The following OPCML variants were observed in gnomAD, a reference collection of about 807,000 sequenced individuals.
OPCML encodes opioid-binding protein/cell adhesion molecule.
A neutral mutation model predicts 37.8 loss-of-function variants in OPCML; 13 were observed. That is an observed-to-expected ratio of 0.34 (90% CI 0.22 to 0.55). The LOEUF (loss-of-function observed/expected upper bound fraction) is 0.55, where lower values mean the gene tolerates loss of function less well. Among genes scored for constraint, OPCML ranks in the 20% least tolerant of loss-of-function variants. The pLI, the probability that OPCML is intolerant of heterozygous loss-of-function variation, is 0.91. For missense variants in OPCML, 341 were observed against 435.6 expected, an observed-to-expected ratio of 0.78 and a Z score of 1.93; for synonymous variants, 176 against 168.8, an observed-to-expected ratio of 1.04 and a Z score of -0.33.
chr11:132,913,766 T>C (rs949926975), intron 2 of OPCML, among the ~76,000 whole-genome samples: 2 of 152,192 alleles, frequency 1.3e-5, no homozygotes, highest in Admixed American at 6.5e-5. Context: ...ATAGGGCACA[T>C]ACCCTCATTC....
chr11:132,763,112 C>T (rs187859879), intron 2 of OPCML, among the ~76,000 whole-genome samples: 1 of 152,256 alleles, frequency 6.6e-6, no homozygotes, highest in East Asian at 1.9e-4. Context: ...CGACACCCTA[C>T]CCTGCTTCTG....
At chr11:133,015,345 G>A (rs1182616610) in intron 1 of OPCML, among the ~76,000 whole-genome samples, 1 of 138,214 alleles carries the variant, frequency 7.2e-6, no homozygotes, top group African/African-American at 2.7e-5. Flanking sequence ...GGAAGGGAGG[G>A]AGGGAGGGAG....
intron 4 of OPCML, among the ~76,000 whole-genome samples, chr11:132,488,149 A>G (rs2096205643): frequency 6.6e-6 from 1 of 152,200 alleles, no homozygotes; most frequent in African/African-American, 2.4e-5. Flanking sequence ...GTTCCTCTTT[A>G]CCTGGAGAAC....
intron 2 of OPCML, among the ~76,000 whole-genome samples, chr11:132,725,043 G>C (rs753459214): frequency 6.6e-6 from 1 of 152,156 alleles, no homozygotes; most frequent in Non-Finnish European, 1.5e-5. Flanking sequence ...TACCATTCTG[G>C]GGTCTGAAGG....
At position 132,766,433 on chromosome 11, in the gene OPCML, T is replaced by A. The variant is rs368641638; in HGVS notation, c.147-109114A>T. On this transcript the variant is annotated intron_variant, in intron 2 of 7. Coordinates refer to ENST00000524381, the MANE Select transcript of OPCML (RefSeq NM_001012393.5). Reference sequence around the variant, plus strand: ...CCAATACTGAGACATGCCAACAGCATGCCCTCCTACCATGAACTTTCATGT... The same window carrying A: ...CCAATACTGAGACATGCCAACAGCAAGCCCTCCTACCATGAACTTTCATGT... 2.9e-4 allele frequency among the ~76,000 whole-genome samples: 44 copies of A among 152,338 alleles called. 1 individual carries two copies. In the South Asian group the frequency reaches 8.1e-3, roughly 28 times the overall value.
intron 4 of OPCML, among the ~76,000 whole-genome samples, chr11:132,479,159 C>T (rs952032456): frequency 6.6e-6 from 1 of 152,036 alleles, no homozygotes; most frequent in South Asian, 2.1e-4. Context: ...AGACAGTGGG[C>T]TCAGGTCAGT....
intron 7 of OPCML, among the ~76,000 whole-genome samples, chr11:132,424,687 C>G (rs1004144355): frequency 6.6e-6 from 1 of 152,158 alleles, no homozygotes; most frequent in Non-Finnish European, 1.5e-5. Context: ...AGGCAAGATA[C>G]TTCCTGTTTT....
At chr11:133,182,398 A>G (rs762641886) in intron 1 of OPCML, among the ~76,000 whole-genome samples, 3 of 152,188 alleles carry the variant, frequency 2.0e-5, no homozygotes, top group African/African-American at 4.8e-5. Flanking sequence ...AGCTGAACAG[A>G]TCTCTTATTC....
intron 2 of OPCML, among the ~76,000 whole-genome samples, chr11:132,878,737 T>C (rs1943117461): frequency 6.6e-6 from 1 of 150,608 alleles, no homozygotes. Context: ...CTATCTAATC[T>C]TTCTATTGAG....
At chr11:133,025,064 T>C (rs1287081008) in intron 1 of OPCML, 2 of 918,282 alleles carry the variant, frequency 2.2e-6, no homozygotes, top group Non-Finnish European at 2.6e-6. Context: ...GAGGTATCTA[T>C]GGAGTATATG....
In OPCML at chr11:132,934,310, C is replaced by T. The variant is rs562614295; in HGVS notation, c.146+8616G>A. 4.2e-4 allele frequency among the ~76,000 whole-genome samples: 64 copies of T among 152,152 alleles called. No homozygotes were observed. In the South Asian group the frequency reaches 0.012, roughly 29 times the overall value. ...CACCCAGGGCCTGGGGTAGGTCCAG[C>T]GTGGATTAGCAATACAGGGACTAAG... On this transcript the variant is annotated intron_variant, in intron 2 of 7. Transcript: ENST00000524381.
At chr11:132,965,799 G>A (rs959197131) in intron 1 of OPCML, among the ~76,000 whole-genome samples, 1 of 152,142 alleles carries the variant, frequency 6.6e-6, no homozygotes, top group African/African-American at 2.4e-5. Context: ...CCAAAGTGCT[G>A]GGATTACAGG....
intron 2 of OPCML, among the ~76,000 whole-genome samples, chr11:132,695,170 G>A (rs1943557158): frequency 6.6e-6 from 1 of 151,616 alleles, no homozygotes; most frequent in Admixed American, 6.6e-5. Flanking sequence ...TGTGGTAAAG[G>A]TTATGAAAAA....
intron 2 of OPCML, among the ~76,000 whole-genome samples, chr11:132,783,471 T>G (rs879891499): frequency 1.3e-5 from 2 of 152,184 alleles, no homozygotes; most frequent in Non-Finnish European, 2.9e-5. Context: ...AGTTAATTCT[T>G]GGTTTTCCTA....
chr11:132,593,608 G>T (rs554510166), intron 3 of OPCML, among the ~76,000 whole-genome samples: 1 of 152,160 alleles, frequency 6.6e-6, no homozygotes, highest in Non-Finnish European at 1.5e-5. Context: ...GAACAGATCA[G>T]GGGAGAGATC....
intron 4 of OPCML, among the ~76,000 whole-genome samples, chr11:132,444,946 A>C (rs552621633): frequency 8.5e-5 from 13 of 152,346 alleles, no homozygotes; most frequent in African/African-American, 3.1e-4. Flanking sequence ...TAACACAAGC[A>C]ATTGAATTGT....
At chr11:133,340,608 CTGTGTGTGTGTGT>C (rs1943846264) in intron 1 of OPCML, among the ~76,000 whole-genome samples, 1 of 139,432 alleles carries the variant, frequency 7.2e-6, no homozygotes, top group African/African-American at 2.7e-5. Flanking sequence ...AAGACTCTCT[CTGTGTGTGTGTGT>C]GTGTGTGTGT....
intron 1 of OPCML, among the ~76,000 whole-genome samples, chr11:133,253,555 C>A (rs1169606532): frequency 6.6e-6 from 1 of 152,144 alleles, no homozygotes; most frequent in African/African-American, 2.4e-5. Context: ...AGTGATCCAC[C>A]CACCTCGGCC....
Position 133,447,586 on chromosome 11 carries a change from T to C in OPCML, c.61+84678A>G, listed in dbSNP as rs537759639. On this transcript the variant is annotated intron_variant, in intron 1 of 7. Transcript: ENST00000524381. ...CATTTTTATGTCCATGAGTACCTAA[T>C]ATTTAGCTCCCACTTATAAGTGAGA... 3.9e-5 allele frequency among the ~76,000 whole-genome samples: 6 copies of C among 152,324 alleles called. No homozygotes were observed. The South Asian group carries it at 6.2e-4, about 16-fold the overall frequency.
Sources: allele counts gnomAD v4.1 joint callset (sites outside exome capture counted in the v4.1 genomes callset), GRCh38; gene constraint gnomAD v4.1.1; transcripts MANE v1.5; gene names NCBI Gene and HGNC (gene_info 2026-07-23, HGNC 2026-07-21).